FGF3: variants seen among roughly 807,000 people sequenced by gnomAD.
FGF3 encodes FGF-3.
Under a neutral mutation model 9.8 loss-of-function variants are expected in FGF3, and 7 were observed. That is an observed-to-expected ratio of 0.72 (90% CI 0.41 to 1.35). The LOEUF (loss-of-function observed/expected upper bound fraction) is 1.35, where lower values mean the gene tolerates loss of function less well. Among genes scored for constraint, FGF3 ranks in the 40% most tolerant of loss-of-function variants. FGF3 has a pLI of 0.01. For synonymous variants in FGF3, 173 were observed against 157.2 expected (o/e 1.10, Z -0.75); for missense variants, 390 against 345.6 (o/e 1.13, Z -1.02).
Position 69,810,707 on chromosome 11 carries a change from G to C in FGF3, c.325-7C>G. On this transcript the variant is annotated splice_polypyrimidine_tract_variant and splice_region_variant and intron_variant, in intron 2 of 2. Coordinates refer to ENST00000334134, the MANE Select transcript of FGF3 (RefSeq NM_005247.4). ...ACTCGGCGCTGTAGTGCTCCTGCGG[G>C]GATGAGATATCATGGTCAGTGCCCC... 1.3e-6 allele frequency: 2 copies of C among 1,569,104 alleles called. No individual in the cohort carries two copies. Among genetic ancestry groups the C allele is most frequent in the East Asian group, 2.3e-5 (1 of 43,994 alleles).
chr11:69,810,177 T>A lies in FGF3; in HGVS notation c.*128A>T. 1 of 951,110 alleles carries A rather than the reference T, an allele frequency of 1.1e-6. No individual in the cohort carries two copies. The highest frequency in any genetic ancestry group is 1.8e-5 in the South Asian group (1 of 56,030). The allele number at this position is 951,110 out of a possible 1,614,324, so 58.9% of individuals were successfully genotyped here. A position where few individuals can be genotyped will look rare whatever the true frequency, so the allele number is the denominator to read the frequency against. On this transcript the variant is annotated 3_prime_UTR_variant, in exon 3 of 3. Transcript: ENST00000334134. Reference sequence around the variant, plus strand: ...GTTCCCACTGGACCCTGATTTGAGCTGGCTCTGGAAATAGCTGAGAACCCA... The same window carrying A: ...GTTCCCACTGGACCCTGATTTGAGCAGGCTCTGGAAATAGCTGAGAACCCA...
chr11:69,814,383 G>C (rs1255684253), intron 2 of FGF3, among the ~76,000 whole-genome samples: 3 of 152,022 alleles, frequency 2.0e-5, no homozygotes, highest in African/African-American at 7.3e-5. Context: ...TGAGTGGCTG[G>C]TGGGGCGATG....
intron 1 of FGF3, among the ~76,000 whole-genome samples, chr11:69,818,183 G>A (rs1265403052): frequency 6.6e-6 from 1 of 152,208 alleles, no homozygotes; most frequent in South Asian, 2.1e-4. Flanking sequence ...GCGGCCACCT[G>A]GGCAGCCGCG....
At position 69,818,993 on chromosome 11, in the gene FGF3, AG is replaced by A. The variant is rs1443397916; in HGVS notation, c.-61del. The A allele has an allele frequency of 3.3e-5, 39 of 1,175,170 alleles. No homozygotes were observed. Among genetic ancestry groups the A allele is most frequent in the Non-Finnish European group, 4.1e-5 (36 of 875,648 alleles). The allele number at this position is 1,175,170 out of a possible 1,614,324, so 72.8% of individuals were successfully genotyped here. ...TGCAGGCGAGCGCGGCGCCCATGGA[AG>A]GGGCGGCAGCCGGACAGCTGCGAGG... On this transcript the variant is annotated 5_prime_UTR_variant, in exon 1 of 3. Transcript: ENST00000334134.
At chr11:69,816,489 G>T in intron 1 of FGF3, 66 bp from the exon 2 acceptor site, 1 of 1,289,670 alleles carries the variant, frequency 7.8e-7, no homozygotes, top group Non-Finnish European at 1.1e-6. Context: ...GGCCCAGCTG[G>T]CCCTGCCCAA....
chr11:69,818,475 A>C (rs1398297220), intron 1 of FGF3, among the ~76,000 whole-genome samples: 3 of 151,878 alleles, frequency 2.0e-5, no homozygotes, highest in African/African-American at 7.3e-5. Flanking sequence ...GTTCTGCTCG[A>C]ACCCCAGCGC....
At position 69,812,935 on chromosome 11, in the gene FGF3, G is replaced by A. The variant is rs1055526655; in HGVS notation, c.325-2235C>T. 3.3e-5 allele frequency among the ~76,000 whole-genome samples: 5 copies of A among 152,242 alleles called. No individual in the cohort carries two copies. The South Asian group carries it at 6.2e-4, about 19-fold the overall frequency. On this transcript the variant is annotated intron_variant, in intron 2 of 2. Coordinates refer to ENST00000334134, the MANE Select transcript of FGF3 (RefSeq NM_005247.4). ...GGCAGTGTAGATCAATTGCTGACACGTGGTAGGGCACCTGGGGTGGCCAAG... is the reference window on the plus strand; with the variant it reads ...GGCAGTGTAGATCAATTGCTGACACATGGTAGGGCACCTGGGGTGGCCAAG...
intron 2 of FGF3, 96 bp from the exon 3 acceptor site, chr11:69,810,796 T>C: frequency 1.7e-6 from 2 of 1,180,584 alleles, no homozygotes; most frequent in Non-Finnish European, 2.4e-6. Flanking sequence ...CCTGTGAGGC[T>C]GTTCGGTCCA....
At chr11:69,813,684 A>G (rs536397610) in intron 2 of FGF3, among the ~76,000 whole-genome samples, 2 of 121,896 alleles carry the variant, frequency 1.6e-5, no homozygotes, top group South Asian at 2.8e-4. Flanking sequence ...GGATGGATGG[A>G]TGGGTGGATG....
At chr11:69,813,069 C>T (rs530652840) in intron 2 of FGF3, among the ~76,000 whole-genome samples, 7 of 152,278 alleles carry the variant, frequency 4.6e-5, no homozygotes, top group African/African-American at 9.6e-5. Context: ...CTGACACTGC[C>T]GCCCCACCAG....
At position 69,810,400 on chromosome 11, in the gene FGF3, G is replaced by C; in HGVS notation, c.625C>G (p.Arg209Gly). The change falls in exon 3 of 3, where the codon CGA becomes GGA. Residue 209 changes from arginine to glycine, a missense_variant. Coordinates refer to ENST00000334134, the MANE Select transcript of FGF3 (RefSeq NM_005247.4). The stretch of plus-strand genomic sequence containing the variant: ...GGGCTCTGCTTCTGCCGCCGCCGTC[G>C]GGGCTGGACCCCCTTACCAGGGGGT... ...PRPPGKGVQP[R>G]RRRQKQSPDN... is the part of the protein sequence containing the mutation. 1.3e-6 allele frequency: 2 copies of C among 1,560,206 alleles called. No individual in the cohort carries two copies.
At chr11:69,818,649 C>T (rs1856184227) in intron 1 of FGF3, 65 bp downstream of exon 1, 3 of 1,262,044 alleles carry the variant, frequency 2.4e-6, no homozygotes, top group Non-Finnish European at 3.1e-6. Context: ...CGCAGCGCGC[C>T]TTCTCCCGGG....
At chr11:69,817,761 G>A (rs1369951358) in intron 1 of FGF3, among the ~76,000 whole-genome samples, 4 of 152,146 alleles carry the variant, frequency 2.6e-5, no homozygotes, top group African/African-American at 9.7e-5. Flanking sequence ...AGCACCCGAG[G>A]ACAGCTGTGG....
chr11:69,813,872 G>GATGGATGGA (rs1856081562), intron 2 of FGF3, among the ~76,000 whole-genome samples: 1 of 123,954 alleles, frequency 8.1e-6, no homozygotes, highest in Non-Finnish European at 1.7e-5. Flanking sequence ...GGATGGATAG[G>GATGGATGGA]TGGATGGATG....
In FGF3 at chr11:69,816,550, C is replaced by T. The variant is rs1009517659; in HGVS notation, c.221-127G>A. ...GGAGGGTAGCACACACCCCACAGGT[C>T]GGGGAGTGAGTGGAAGTTCAGGAAG... On this transcript the variant is annotated intron_variant, in intron 1 of 2. Coordinates refer to ENST00000334134, the MANE Select transcript of FGF3 (RefSeq NM_005247.4). 40 of 703,274 alleles carry T rather than the reference C, an allele frequency of 5.7e-5. No individual in the cohort carries two copies. The African/African-American group carries it at 6.3e-4, about 11-fold the overall frequency. 43.6% of individuals were successfully genotyped at this position (703,274 alleles called of 1,614,324 possible).
At chr11:69,813,852 ATGGG>A (rs1554980775) in intron 2 of FGF3, among the ~76,000 whole-genome samples, 3 of 142,022 alleles carry the variant, frequency 2.1e-5, no homozygotes, top group Non-Finnish European at 4.6e-5. Context: ...GGTTGGATGG[ATGGG>A]TGGATGGATG....
In FGF3 at chr11:69,818,705, G is replaced by A. The variant is rs1377860574; in HGVS notation, c.220+9C>T. On this transcript the variant is annotated intron_variant, in intron 1 of 2. Coordinates refer to ENST00000334134, the MANE Select transcript of FGF3 (RefSeq NM_005247.4). ...CTTCCCCCGGGGCCCCGCAGCGTCC[G>A]GCACTCACTGTAGGCGCTGTTCTCC... The A allele has an allele frequency of 6.8e-7, 1 of 1,475,684 alleles. No homozygotes were observed. Among genetic ancestry groups the A allele is most frequent in the East Asian group, 2.9e-5 (1 of 34,198 alleles). The allele number at this position is 1,475,684 out of a possible 1,614,324, so 91.4% of individuals were successfully genotyped here. A position where few individuals can be genotyped will look rare whatever the true frequency, so the allele number is the denominator to read the frequency against.
chr11:69,812,468 C>T (rs1412609751), intron 2 of FGF3, among the ~76,000 whole-genome samples: 2 of 152,126 alleles, frequency 1.3e-5, no homozygotes, highest in African/African-American at 2.4e-5. Flanking sequence ...GCCCAGTGCC[C>T]CCTGGGCCAC....
At position 69,810,074 on chromosome 11, in the gene FGF3, C is replaced by T. The variant is rs1413492612; in HGVS notation, c.*231G>A. ...GGCTGGCACTCAGGCCCTTCCCTGC[C>T]GGCTTCCTGCCACACAGACCCACAA... On this transcript the variant is annotated 3_prime_UTR_variant, in exon 3 of 3. Coordinates refer to ENST00000334134, the MANE Select transcript of FGF3 (RefSeq NM_005247.4). 1.2e-5 allele frequency: 6 copies of T among 493,482 alleles called. 1 individual carries two copies. In the South Asian group the frequency reaches 1.6e-4, roughly 13 times the overall value. 30.6% of individuals were successfully genotyped at this position (493,482 alleles called of 1,614,324 possible).
Sources: allele counts gnomAD v4.1 joint callset (sites outside exome capture counted in the v4.1 genomes callset), GRCh38; gene constraint gnomAD v4.1.1; transcripts MANE v1.5; gene names NCBI Gene and HGNC (gene_info 2026-07-23, HGNC 2026-07-21).